The following TICAM1 variants were observed in gnomAD, a reference collection of about 807,000 sequenced individuals.
The protein encoded by TICAM1 is TIR domain-containing adapter molecule 1.
For synonymous variants in TICAM1, 439 were observed against 415.4 expected (o/e 1.06, Z -0.69); for missense variants, 895 against 938.2 (o/e 0.95, Z 0.60).
chr19:4,818,058 T>C lies in TICAM1; in HGVS notation c.320A>G (p.Lys107Arg). The C allele has an allele frequency of 6.2e-7, 1 of 1,608,094 alleles. No homozygotes were observed. The highest frequency in any genetic ancestry group is 8.5e-7 in the Non-Finnish European group (1 of 1,179,882). The change falls in exon 2 of 2, where the codon AAG (lysine) becomes AGG (arginine). Residue 107 changes from lysine (K) to arginine (R), a missense_variant. Coordinates refer to ENST00000248244, the MANE Select transcript of TICAM1 (RefSeq NM_182919.4). This position sits in a 1 kb window ranked among gnomAD's most constrained non-coding sequence, Gnocchi z 4.0. The stretch of plus-strand genomic sequence containing the variant: ...GTCCCGCAGCGAGGCGGGGCACAGC[T>C]TCTCCTCAGCCAGCAGGTGGTACAA... ...ARLYHLLAEE[K>R]LCPASLRDVA...
rs1241783574 is a variant in TICAM1, at chr19:4,817,314, G to A, written c.1064C>T (p.Thr355Ile). The part of the protein sequence containing the change: ...NTKPCPPTPT[T>I]PETSPPPPPP... ...AGGAGGAGGAGGGGATGTTTCTGGG[G>A]TGGTGGGAGTAGGTGGGCACGGCTT... The change falls in exon 2 of 2, where the codon ACC (threonine) becomes ATC (isoleucine). Residue 355 changes from threonine (T) to isoleucine (I), a missense_variant. Thr to Ile is a moderately conservative substitution (Grantham distance 89). Coordinates refer to ENST00000248244, the MANE Select transcript of TICAM1 (RefSeq NM_182919.4). This position sits in a 1 kb window ranked among gnomAD's most constrained non-coding sequence, Gnocchi z 4.7. The A allele has an allele frequency of 2.5e-6, 4 of 1,613,610 alleles. No homozygotes were observed. The highest frequency in any genetic ancestry group is 3.4e-6 in the Non-Finnish European group (4 of 1,180,016).
Position 4,817,721 on chromosome 19 carries a change from G to T in TICAM1, c.657C>A (p.Ser219Arg), listed in dbSNP as rs764252931. The T allele has an allele frequency of 2.5e-6, 4 of 1,600,656 alleles. No individual in the cohort carries two copies. The highest frequency in any genetic ancestry group is 1.3e-5 in the African/African-American group (1 of 74,838). Reference sequence around the variant, plus strand: ...TGGGCCCATGTGGGCTGCGGTGCAGGCTGAGGAAGGGCATGGTAGGGGACT... The same window carrying T: ...TGGGCCCATGTGGGCTGCGGTGCAGTCTGAGGAAGGGCATGGTAGGGGACT... ...ISQSPTMPFL[S>R]LHRSPHGPSK... Residue 219 changes from serine to arginine, a missense_variant, in exon 2 of 2, where the codon AGC becomes AGA. Transcript: ENST00000248244. The surrounding 1 kb of genome is among the most constrained non-coding windows in gnomAD (Gnocchi z 4.7).
rs749611514 is a variant in TICAM1, at chr19:4,825,152, C to T, written c.-140+6462G>A. On this transcript the variant is annotated intron_variant, in intron 1 of 1. Transcript: ENST00000248244. ...AAAATTAGCCGGGTGTGGCAGTGTG[C>T]GCCTGTAATCCCAGCTGCTTGGGAG... Among the ~76,000 whole-genome samples, 12 of 151,368 alleles carry T rather than the reference C, an allele frequency of 7.9e-5. No individual in the cohort carries two copies. The East Asian group carries it at 1.4e-3, about 17-fold the overall frequency.
At chr19:4,827,012 A>G (rs1355427138) in intron 1 of TICAM1, among the ~76,000 whole-genome samples, 1 of 151,752 alleles carries the variant, frequency 6.6e-6, no homozygotes, top group Non-Finnish European at 1.5e-5. Context: ...GGAAATAATA[A>G]TAATAATAAT....
Position 4,816,495 on chromosome 19 carries a change from G to A in TICAM1, c.1883C>T (p.Pro628Leu), listed in dbSNP as rs759573569. The change falls in exon 2 of 2, where the codon CCG (proline) becomes CTG (leucine). Residue 628 changes from proline to leucine, a missense_variant. Pro to Leu is a moderately conservative substitution (Grantham distance 98, BLOSUM62 -3). Coordinates refer to ENST00000248244, the MANE Select transcript of TICAM1 (RefSeq NM_182919.4). The surrounding 1 kb of genome is among the most constrained non-coding windows in gnomAD (Gnocchi z 4.3). ...PPPFPTWPGC[P>L]QPPPLHAWQA... The stretch of plus-strand genomic sequence containing the variant: ...CCATGCGTGCAGGGGTGGCGGCTGC[G>A]GGCACCCCGGCCAAGTGGGAAAGGG... 2.0e-5 allele frequency: 31 copies of A among 1,574,456 alleles called. No homozygotes were observed. The highest frequency in any genetic ancestry group is 5.5e-5 in the Admixed American group (3 of 54,938).
chr19:4,816,369 G>C lies in TICAM1; in HGVS notation c.2009C>G (p.Pro670Arg). The change falls in exon 2 of 2, where the codon CCC becomes CGC. Residue 670 changes from proline to arginine, a missense_variant. Pro to Arg is a moderately radical substitution (Grantham distance 103, BLOSUM62 -2). Transcript: ENST00000248244. This position sits in a 1 kb window ranked among gnomAD's most constrained non-coding sequence, Gnocchi z 4.3. ...SPAFPTASPA[P>R]PQSPGLQPLI... ...GGGTTGCAGCCCTGGGCTCTGAGGG[G>C]GTGCGGGTGAGGCCGTAGGGAAGGC... is the stretch of plus-strand genomic sequence containing the variant. 6.3e-7 allele frequency: 1 copy of C among 1,589,566 alleles called. No individual in the cohort carries two copies. Among genetic ancestry groups the C allele is most frequent in the Admixed American group, 1.8e-5 (1 of 55,794 alleles).
In TICAM1 at chr19:4,831,622, CG is replaced by C; in HGVS notation, c.-149del. ...GCCCCTTCCCCACCTACCAGGGATCCGGGGCTGCCGGCTGCGCCACTGGGTC... is the reference window on the plus strand; with the variant it reads ...GCCCCTTCCCCACCTACCAGGGATCCGGGCTGCCGGCTGCGCCACTGGGTC... On this transcript the variant is annotated 5_prime_UTR_variant, in exon 1 of 2. Coordinates refer to ENST00000248244, the MANE Select transcript of TICAM1 (RefSeq NM_182919.4). 6.5e-6 allele frequency: 1 copy of C among 152,680 alleles called. No homozygotes were observed. The highest frequency in any genetic ancestry group is 1.5e-5 in the Non-Finnish European group (1 of 68,350). 9.5% of individuals were successfully genotyped at this position (152,680 alleles called of 1,614,324 possible).
Position 4,818,423 on chromosome 19 carries a change from G to A in TICAM1, c.-46C>T. On this transcript the variant is annotated 5_prime_UTR_variant, in exon 2 of 2. Transcript: ENST00000248244. The surrounding 1 kb of genome is among the most constrained non-coding windows in gnomAD (Gnocchi z 4.0). Reference sequence around the variant, plus strand: ...TCCGGCAGCAGAAGCTGGAGGTGGTGAAGGCATGTTCCACACTGCCCCCCG... The same window carrying A: ...TCCGGCAGCAGAAGCTGGAGGTGGTAAAGGCATGTTCCACACTGCCCCCCG... 1 of 1,534,986 alleles carries A rather than the reference G, an allele frequency of 6.5e-7. No homozygotes were observed. Among genetic ancestry groups the A allele is most frequent in the Admixed American group, 2.1e-5 (1 of 48,254 alleles).
intron 1 of TICAM1, among the ~76,000 whole-genome samples, chr19:4,820,541 AC>A (rs2093595613): frequency 6.6e-6 from 1 of 151,044 alleles, no homozygotes; most frequent in Non-Finnish European, 1.5e-5. Context: ...AGGGAAGGAT[AC>A]ATACATAGCA....
chr19:4,824,012 AT>A (rs61442523), intron 1 of TICAM1, among the ~76,000 whole-genome samples: 143,975 of 147,948 alleles, frequency 0.97, 70,060 homozygotes, highest in East Asian at 1. Context: ...CTGAATTTTA[AT>A]TTTTTTTTTT....
chr19:4,816,656 G>C lies in TICAM1; in HGVS notation c.1722C>G (p.Leu574=). ...AALNAAYSAY[L]QSYLSYQAQM... The stretch of plus-strand genomic sequence containing the variant: ...GTGCCTGGTAGGACAAGTAGCTCTG[G>C]AGGTAGGCTGAGTAGGCTGCGTTCA... Residue 574 remains leucine (L), a synonymous_variant, in exon 2 of 2, where the codon CTC becomes CTG. Coordinates refer to ENST00000248244, the MANE Select transcript of TICAM1 (RefSeq NM_182919.4). This position sits in a 1 kb window ranked among gnomAD's most constrained non-coding sequence, Gnocchi z 4.3. 6.2e-7 allele frequency: 1 copy of C among 1,614,170 alleles called. No homozygotes were observed. The highest frequency in any genetic ancestry group is 1.7e-5 in the Admixed American group (1 of 60,024).
chr19:4,822,441 C>T (rs1237525035), intron 1 of TICAM1, among the ~76,000 whole-genome samples: 2 of 152,198 alleles, frequency 1.3e-5, no homozygotes, highest in African/African-American at 2.4e-5. Context: ...CGGGGTTTCA[C>T]CATATTGGCC....
intron 1 of TICAM1, among the ~76,000 whole-genome samples, chr19:4,821,021 C>T (rs61231668): frequency 0.44 from 62,820 of 143,184 alleles, 13,657 homozygotes; most frequent in African/African-American, 0.51. Flanking sequence ...GTGAAACTCC[C>T]GTCTCTAGTA....
chr19:4,823,177 A>T (rs916907735), intron 1 of TICAM1, among the ~76,000 whole-genome samples: 3 of 151,930 alleles, frequency 2.0e-5, no homozygotes, highest in Admixed American at 1.3e-4. Flanking sequence ...AAAATTACCC[A>T]GGCATGGCCA....
At chr19:4,825,085 G>A (rs554746683) in intron 1 of TICAM1, among the ~76,000 whole-genome samples, 1 of 152,022 alleles carries the variant, frequency 6.6e-6, no homozygotes, top group Non-Finnish European at 1.5e-5. Flanking sequence ...TTCGAGACCA[G>A]CCTGCGCAAC....
chr19:4,817,976 C>T lies in TICAM1; in HGVS notation c.402G>A (p.Gly134=). The T allele has an allele frequency of 6.2e-7, 1 of 1,613,308 alleles. No individual in the cohort carries two copies. The highest frequency in any genetic ancestry group is 8.5e-7 in the Non-Finnish European group (1 of 1,179,890). The part of the protein sequence containing the change: ...TLSSRDDHRL[G]ELQDEARNRC... The stretch of plus-strand genomic sequence containing the variant: ...GGTTTCGGGCCTCATCCTGAAGTTC[C>T]CCCAGCCGGTGGTCGTCCCTGGAGC... Residue 134 remains glycine, a synonymous_variant, in exon 2 of 2, where the codon GGG becomes GGA. Transcript: ENST00000248244. This position sits in a 1 kb window ranked among gnomAD's most constrained non-coding sequence, Gnocchi z 4.7.
At position 4,818,368 on chromosome 19, in the gene TICAM1, T is replaced by G. The variant is rs1291078777; in HGVS notation, c.10A>C (p.Thr4Pro). ...AAGGCGCTAGGAAGTGATGGGCCTGTGCAGGCCATGGGCACAGGTGGGTGC... is the reference window on the plus strand; with the variant it reads ...AAGGCGCTAGGAAGTGATGGGCCTGGGCAGGCCATGGGCACAGGTGGGTGC... MAC[T>P]GPSLPSAFDI... Residue 4 changes from threonine to proline, a missense_variant, in exon 2 of 2, where the codon ACA (threonine) becomes CCA (proline). Coordinates refer to ENST00000248244, the MANE Select transcript of TICAM1 (RefSeq NM_182919.4). The surrounding 1 kb of genome is among the most constrained non-coding windows in gnomAD (Gnocchi z 4.0). 2 of 1,594,948 alleles carry G rather than the reference T, an allele frequency of 1.3e-6. No homozygotes were observed. Among genetic ancestry groups the G allele is most frequent in the East Asian group, 4.5e-5 (2 of 44,752 alleles).
At chr19:4,827,472 TG>T (rs1245178739) in intron 1 of TICAM1, among the ~76,000 whole-genome samples, 1 of 133,426 alleles carries the variant, frequency 7.5e-6, no homozygotes, top group African/African-American at 2.9e-5. Context: ...AAAATGAAAA[TG>T]GGCTGGGCGC....
At chr19:4,819,016 C>T (rs1470792517) in intron 1 of TICAM1, among the ~76,000 whole-genome samples, 1 of 152,154 alleles carries the variant, frequency 6.6e-6, no homozygotes, top group African/African-American at 2.4e-5. Flanking sequence ...GAAACTGAGG[C>T]AGGAGAATCG....
Sources: allele counts gnomAD v4.1 joint callset (sites outside exome capture counted in the v4.1 genomes callset), GRCh38; gene constraint gnomAD v4.1.1; non-coding constraint Gnocchi (gnomAD v3.1); transcripts MANE v1.5; gene names NCBI Gene and HGNC (gene_info 2026-07-23, HGNC 2026-07-21).